The following CCNF variants were observed in gnomAD, a reference collection of about 807,000 sequenced individuals.
The protein encoded by CCNF is cyclin-F.
CCNF carries 30 observed loss-of-function variants against 85.4 expected under a neutral mutation model. That is an observed-to-expected ratio of 0.35 (90% CI 0.26 to 0.48). CCNF has a LOEUF of 0.48. Among genes scored for constraint, CCNF ranks in the 20% least tolerant of loss-of-function variants. CCNF has a pLI of 0.99. For synonymous variants in CCNF, 439 were observed against 425.1 expected (o/e 1.03, Z -0.40); for missense variants, 919 against 1,010.4 (o/e 0.91, Z 1.23).
rs747820370 is a variant in CCNF, at chr16:2,453,194, G to A, written c.1488-16G>A. 8 of 1,612,712 alleles carry A rather than the reference G, an allele frequency of 5.0e-6. No individual in the cohort carries two copies. Among genetic ancestry groups the A allele is most frequent in the East Asian group, 2.2e-5 (1 of 44,878 alleles). ...GGGGTGCCTCACATGTCCACTCCAC[G>A]TGACTCTGTTTCCAGCTTCCATGAT... On this transcript the variant is annotated splice_polypyrimidine_tract_variant and intron_variant, in intron 13 of 16. Coordinates refer to ENST00000397066, the MANE Select transcript of CCNF (RefSeq NM_001761.3). The surrounding 1 kb of genome is among the most constrained non-coding windows in gnomAD (Gnocchi z 5.6).
intron 15 of CCNF, among the ~76,000 whole-genome samples, chr16:2,454,186 G>A (rs934254054): frequency 1.4e-4 from 22 of 152,290 alleles, no homozygotes; most frequent in African/African-American, 5.3e-4. Flanking sequence ...ACCAGGCAGG[G>A]CTGCCTCCAG....
chr16:2,440,826 C>T (rs1004385607), intron 8 of CCNF, among the ~76,000 whole-genome samples: 1 of 152,178 alleles, frequency 6.6e-6, no homozygotes, highest in Non-Finnish European at 1.5e-5. Flanking sequence ...TGATGGCTCA[C>T]GCCTGCAATC....
intron 7 of CCNF, 34 bp from the exon 8 acceptor site, chr16:2,439,715 G>A (rs1360487508): frequency 1.3e-6 from 2 of 1,589,840 alleles, no homozygotes; most frequent in Non-Finnish European, 8.6e-7. Flanking sequence ...CCAAGACACA[G>A]TTGTACAAAG....
chr16:2,442,163 C>G (rs1195853532), intron 8 of CCNF, among the ~76,000 whole-genome samples: 1 of 144,024 alleles, frequency 6.9e-6, no homozygotes, highest in African/African-American at 2.5e-5. Context: ...TGCACCACCA[C>G]GCCCAGCTAA....
At chr16:2,447,916 G>A (rs926282306) in intron 10 of CCNF, among the ~76,000 whole-genome samples, 14 of 152,166 alleles carry the variant, frequency 9.2e-5, no homozygotes, top group East Asian at 1.9e-4. Context: ...TAGTCCCTGC[G>A]CCTCTTGTCC....
chr16:2,453,136 T>C lies in CCNF; in HGVS notation c.1488-74T>C. The C allele has an allele frequency of 2.3e-6, 3 of 1,279,042 alleles. No individual in the cohort carries two copies. Among genetic ancestry groups the C allele is most frequent in the Non-Finnish European group, 3.4e-6 (3 of 877,244 alleles). 79.2% of individuals were successfully genotyped at this position (1,279,042 alleles called of 1,614,324 possible). A position where few individuals can be genotyped will look rare whatever the true frequency, so the allele number is the denominator to read the frequency against. ...CTGCACCATTTTGCATTCTCATTGC[T>C]CACTTCAGTGAACTGAAGCTAAAAA... On this transcript the variant is annotated intron_variant, in intron 13 of 16. Coordinates refer to ENST00000397066, the MANE Select transcript of CCNF (RefSeq NM_001761.3). The surrounding 1 kb of genome is among the most constrained non-coding windows in gnomAD (Gnocchi z 5.6).
rs199502728 is a variant in CCNF, at chr16:2,456,922, C to A, written c.2263C>A (p.Pro755Thr). The change falls in exon 17 of 17, where the codon CCC becomes ACC. Residue 755 changes from proline to threonine, a missense_variant. By Grantham distance (38) the Pro-to-Thr change is conservative. This residue lies in a region of CCNF where 505 missense variants were observed against 514.8 expected (regional missense o/e 0.98). Coordinates refer to ENST00000397066, the MANE Select transcript of CCNF (RefSeq NM_001761.3). The surrounding 1 kb of genome is among the most constrained non-coding windows in gnomAD (Gnocchi z 4.5). ...KSCLQCRPPS[P>T]PESSVPQQQV... is the part of the protein sequence containing the mutation. ...ATGTTTACAGTGTCGTCCCCCAAGT[C>A]CCCCGGAGAGCAGTGTTCCCCAGCA... 1.2e-6 allele frequency: 2 copies of A among 1,614,020 alleles called. No homozygotes were observed. Among genetic ancestry groups the A allele is most frequent in the Non-Finnish European group, 1.7e-6 (2 of 1,180,028 alleles).
chr16:2,448,741 C>G (rs777399828), intron 10 of CCNF, 114 bp from the exon 11 acceptor site: 86 of 916,342 alleles, frequency 9.4e-5, no homozygotes, highest in Non-Finnish European at 1.3e-4. Flanking sequence ...GTCACCAAAG[C>G]CCAACGCCAT....
rs2065260506 is a variant in CCNF, at chr16:2,431,168, A to G, written c.55A>G (p.Thr19Ala). 6.2e-7 allele frequency: 1 copy of G among 1,613,844 alleles called. No homozygotes were observed. The highest frequency in any genetic ancestry group is 1.7e-5 in the Admixed American group (1 of 59,992). ...CRCAKCFCYP[T>A]KRRIRRRPRN... is the part of the protein sequence containing the mutation. ...GTGTGCCAAGTGTTTCTGTTATCCTACAAAGCGAAGAATAAGGAGGAGGCC... is the reference window on the plus strand; with the variant it reads ...GTGTGCCAAGTGTTTCTGTTATCCTGCAAAGCGAAGAATAAGGAGGAGGCC... The change falls in exon 2 of 17, where the codon ACA becomes GCA. Residue 19 changes from threonine (T) to alanine (A), a missense_variant. Around this residue, in one of 3 missense-constraint regions of CCNF, gnomAD observed 410 missense variants for 478.6 expected, o/e 0.86. Transcript: ENST00000397066.
chr16:2,437,834 G>A (rs2065299610), intron 5 of CCNF: 2 of 501,944 alleles, frequency 4.0e-6, no homozygotes, highest in East Asian at 6.7e-5. Context: ...GGGAGGTTGA[G>A]CTTGCAATGA....
Position 2,431,191 on chromosome 16 carries a change from G to A in CCNF, c.78G>A (p.Arg26=). The A allele has an allele frequency of 6.2e-7, 1 of 1,614,050 alleles. No individual in the cohort carries two copies. Among genetic ancestry groups the A allele is most frequent in the South Asian group, 1.1e-5 (1 of 91,082 alleles). ...CTACAAAGCGAAGAATAAGGAGGAG[G>A]CCCCGAAACCTGACCATCTTGAGTC... ...CYPTKRRIRR[R]PRNLTILSLP... Residue 26 remains arginine (R), a synonymous_variant, in exon 2 of 17, where the codon AGG becomes AGA. Coordinates refer to ENST00000397066, the MANE Select transcript of CCNF (RefSeq NM_001761.3).
chr16:2,430,495 A>G (rs930617684), intron 1 of CCNF, among the ~76,000 whole-genome samples: 1 of 152,152 alleles, frequency 6.6e-6, no homozygotes, highest in Non-Finnish European at 1.5e-5. Flanking sequence ...ACAAACCTAC[A>G]GGTCTAGGTT....
chr16:2,456,836 C>T lies in CCNF; in HGVS notation c.2177C>T (p.Ser726Leu), dbSNP rs770169292. Residue 726 changes from serine (S) to leucine (L), a missense_variant, in exon 17 of 17, where the codon TCA becomes TTA. Coordinates refer to ENST00000397066, the MANE Select transcript of CCNF (RefSeq NM_001761.3). The surrounding 1 kb of genome is among the most constrained non-coding windows in gnomAD (Gnocchi z 4.5). ...TTGGGGGCCCTGCCCCAACCTACCT[C>T]AGTGCTGTCCCTGGACAGTGACTCG... Reference protein sequence around the residue: ...GGLGALPQPTSVLSLDSDSHT... With the variant: ...GGLGALPQPTLVLSLDSDSHT... 2 of 1,613,912 alleles carry T rather than the reference C, an allele frequency of 1.2e-6. No homozygotes were observed. The highest frequency in any genetic ancestry group is 2.7e-5 in the African/African-American group (2 of 74,946).
chr16:2,436,614 C>T (rs4387603), intron 4 of CCNF: 114,942 of 152,240 alleles, frequency 0.76, 44,339 homozygotes, highest in African/African-American at 0.92. Flanking sequence ...CGAGGTCCTA[C>T]CCCTACCCTC....
Position 2,443,691 on chromosome 16 carries a change from C to T in CCNF, c.820C>T (p.Leu274=). 6.2e-7 allele frequency: 1 copy of T among 1,614,166 alleles called. No homozygotes were observed. The highest frequency in any genetic ancestry group is 1.6e-4 in the Middle Eastern group (1 of 6,062). ...KACANANQLG[L]EVRASSEIVC... is the part of the protein sequence containing the mutation. ...CTGTGCAAATGCAAACCAGCTTGGACTGGAGGTGAGAGCTTCCAGTGAGAT... is the reference window on the plus strand; with the variant it reads ...CTGTGCAAATGCAAACCAGCTTGGATTGGAGGTGAGAGCTTCCAGTGAGAT... Residue 274 remains leucine, a synonymous_variant, in exon 9 of 17, where the codon CTG becomes TTG. Coordinates refer to ENST00000397066, the MANE Select transcript of CCNF (RefSeq NM_001761.3).
intron 5 of CCNF, 196 bp from the exon 6 acceptor site, chr16:2,437,874 G>A (rs1377027109): frequency 9.1e-6 from 5 of 547,820 alleles, no homozygotes; most frequent in African/African-American, 5.8e-5. Flanking sequence ...ACTCCAGCCT[G>A]GGTGACAGAG....
intron 8 of CCNF, among the ~76,000 whole-genome samples, chr16:2,441,513 T>TTA (rs1188189129): frequency 2.0e-5 from 3 of 151,516 alleles, no homozygotes; most frequent in African/African-American, 7.3e-5. Flanking sequence ...ACATTTATAA[T>TTA]CCCAACACTT....
At chr16:2,447,988 C>T (rs1407623274) in intron 10 of CCNF, among the ~76,000 whole-genome samples, 2 of 152,258 alleles carry the variant, frequency 1.3e-5, no homozygotes, top group Non-Finnish European at 2.9e-5. Context: ...AGCCAAGGGA[C>T]TTGGCCTCAG....
chr16:2,432,834 C>G, intron 2 of CCNF, 127 bp from the exon 3 acceptor site: 1 of 570,924 alleles, frequency 1.8e-6, no homozygotes, highest in East Asian at 2.9e-5. Flanking sequence ...GATTGGGGAC[C>G]TCAACTACTT....
Sources: allele counts gnomAD v4.1 joint callset (sites outside exome capture counted in the v4.1 genomes callset), GRCh38; gene constraint gnomAD v4.1.1; regional missense constraint gnomAD v4.1.1; non-coding constraint Gnocchi (gnomAD v3.1); transcripts MANE v1.5; gene names NCBI Gene and HGNC (gene_info 2026-07-23, HGNC 2026-07-21).